STARD13: variants seen among roughly 807,000 people sequenced by gnomAD.
STARD13 encodes stAR-related lipid transfer protein 13.
In STARD13, 62 loss-of-function variants were observed where a neutral mutation model predicts 106.4. That is an observed-to-expected ratio of 0.58 (90% confidence interval 0.48 to 0.72). The LOEUF is 0.72. STARD13 is among the 30% of genes least tolerant of loss of function. STARD13 has a pLI of 0.00. For missense variants in STARD13, 1,387 were observed against 1,424.0 expected, an observed-to-expected ratio of 0.97 and a Z score of 0.42; for synonymous variants, 565 against 553.0, an observed-to-expected ratio of 1.02 and a Z score of -0.31.
the STARD13 span, among the ~76,000 whole-genome samples, chr13:33,429,583 TA>T: frequency 2.0e-5 from 3 of 150,658 alleles, no homozygotes; most frequent in Admixed American, 2.0e-4. Flanking sequence ...TATTCAGCCA[TA>T]AAAAACAATA....
the STARD13 span, among the ~76,000 whole-genome samples, chr13:33,412,330 C>T: frequency 8.3e-4 from 126 of 151,972 alleles, no homozygotes; most frequent in Admixed American, 2.0e-3. Context: ...AGCTATGCAA[C>T]GAGATACCCT....
intron 1 of STARD13, among the ~76,000 whole-genome samples, chr13:33,224,317 G>A (rs945015844): frequency 2.6e-5 from 4 of 152,142 alleles, no homozygotes; most frequent in Admixed American, 2.0e-4. Context: ...TAGATTTGGG[G>A]AATAGTACTG....
rs545749843 is a variant in STARD13 at position 33,103,591 on chromosome 13, C to T, written c.*2002G>A. 1 of 152,768 alleles carries T rather than the reference C, an allele frequency of 6.5e-6. No homozygotes were observed. Among genetic ancestry groups the T allele is most frequent in the South Asian group, 2.1e-4 (1 of 4,830 alleles). 9.5% of individuals were successfully genotyped at this position (152,768 alleles called of 1,614,324 possible). ...GAGACTCCTTAGAAATGCAGAATCTCAGGCCCAGCCCAGATTACTTGGAGC... is the reference window on the plus strand; with the variant it reads ...GAGACTCCTTAGAAATGCAGAATCTTAGGCCCAGCCCAGATTACTTGGAGC... On this transcript the variant is annotated 3_prime_UTR_variant, in exon 14 of 14. Transcript: ENST00000336934.
rs1214791012 is a variant in STARD13 at position 33,142,398 on chromosome 13, A to G, written c.324-25T>C. 7 of 1,589,276 alleles carry G rather than the reference A, an allele frequency of 4.4e-6. No individual in the cohort carries two copies. The Admixed American group carries it at 1.0e-4, about 23-fold the overall frequency. ...TCTAAAAGGAAAGAAAAATGTGATG[A>G]TTACTTTCACTAATGAATTTAAATC... On this transcript the variant is annotated intron_variant, in intron 3 of 13. Transcript: ENST00000336934.
At chr13:33,105,816 T>G (rs1475851171) in intron 13 of STARD13, 106 bp from the exon 14 acceptor site, 1 of 898,508 alleles carries the variant, frequency 1.1e-6, no homozygotes, top group African/African-American at 1.6e-5. Context: ...CCAGTGAACC[T>G]GCAGACAGCT....
intron 4 of STARD13, among the ~76,000 whole-genome samples, chr13:33,133,562 TG>T (rs1878624948): frequency 6.6e-6 from 1 of 152,030 alleles, no homozygotes; most frequent in South Asian, 2.1e-4. Flanking sequence ...CTTTCACTAA[TG>T]ATGGATATTT....
At chr13:33,225,529 C>T (rs1485783456) in intron 1 of STARD13, among the ~76,000 whole-genome samples, 4 of 152,126 alleles carry the variant, frequency 2.6e-5, no homozygotes, top group Non-Finnish European at 5.9e-5. Context: ...ATGAATAAAA[C>T]AGAAGAGCTT....
At chr13:33,188,608 C>G (rs1438405577) in intron 1 of STARD13, among the ~76,000 whole-genome samples, 3 of 152,210 alleles carry the variant, frequency 2.0e-5, no homozygotes, top group African/African-American at 7.2e-5. Context: ...ACTCACCACA[C>G]TAAGATAGTG....
the STARD13 span, among the ~76,000 whole-genome samples, chr13:33,497,525 C>T: frequency 6.6e-6 from 1 of 152,142 alleles, no homozygotes; most frequent in Non-Finnish European, 1.5e-5. Context: ...TAAATCACAG[C>T]TAAATCACGC....
the STARD13 span, among the ~76,000 whole-genome samples, chr13:33,645,402 C>A: frequency 6.6e-6 from 1 of 152,184 alleles, no homozygotes; most frequent in African/African-American, 2.4e-5. Context: ...GGTGGATTCA[C>A]CCAGCTGAGC....
At chr13:33,169,356 T>C (rs1263644128) in intron 1 of STARD13, among the ~76,000 whole-genome samples, 3 of 152,208 alleles carry the variant, frequency 2.0e-5, no homozygotes, top group Non-Finnish European at 4.4e-5. Flanking sequence ...GGTTCCTACT[T>C]TGATAACCAC....
the STARD13 span, among the ~76,000 whole-genome samples, chr13:33,547,464 A>C: frequency 6.6e-6 from 1 of 152,226 alleles, no homozygotes; most frequent in Non-Finnish European, 1.5e-5. Context: ...TTTCTTGAAG[A>C]TAATTTTTAA....
chr13:33,171,669 T>C (rs1309330908), intron 1 of STARD13, among the ~76,000 whole-genome samples: 2 of 152,174 alleles, frequency 1.3e-5, no homozygotes, highest in East Asian at 3.8e-4. Flanking sequence ...AGGAGACCAA[T>C]AGTCATTTGG....
intron 4 of STARD13, among the ~76,000 whole-genome samples, chr13:33,136,140 T>TATC (rs1470026794): frequency 1.4e-5 from 2 of 145,480 alleles, no homozygotes; most frequent in African/African-American, 4.9e-5. Context: ...AAATTATATA[T>TATC]ATCTTATACA....
At chr13:33,660,878 C>T in the STARD13 span, among the ~76,000 whole-genome samples, 2 of 152,176 alleles carry the variant, frequency 1.3e-5, no homozygotes, top group Admixed American at 1.3e-4. Flanking sequence ...ACCACTGTGC[C>T]TGGCCTGTGC....
At chr13:33,217,533 C>T (rs778021594) in intron 1 of STARD13, among the ~76,000 whole-genome samples, 4 of 152,320 alleles carry the variant, frequency 2.6e-5, no homozygotes, top group Non-Finnish European at 5.9e-5. Context: ...GGTGCAAGCA[C>T]ACAGGGGAAG....
chr13:33,344,503 G>A (rs1594288178), downstream of STARD13, among the ~76,000 whole-genome samples: 1 of 100,998 alleles, frequency 9.9e-6, no homozygotes. Flanking sequence ...TAGATGTTAA[G>A]AGGAAGTTTT....
At position 33,130,563 on chromosome 13, in the gene STARD13, C is replaced by T. The variant is rs1043582220; in HGVS notation, c.388-274G>A. Among the ~76,000 whole-genome samples, 5 of 152,186 alleles carry T rather than the reference C, an allele frequency of 3.3e-5. No homozygotes were observed. The highest frequency in any genetic ancestry group is 4.8e-5 in the African/African-American group (2 of 41,448). On this transcript the variant is annotated intron_variant, in intron 4 of 13. Coordinates refer to ENST00000336934, the MANE Select transcript of STARD13 (RefSeq NM_178006.4). The surrounding 1 kb of genome is among the most constrained non-coding windows in gnomAD (Gnocchi z 4.1). ...GAGGTTTTGAATGCCTCCTTCCTTC[C>T]TCTCTAAGAAGTTTTCCCTGACTGA...
the STARD13 span, among the ~76,000 whole-genome samples, chr13:33,486,452 A>G: frequency 2.0e-5 from 3 of 152,208 alleles, no homozygotes; most frequent in Admixed American, 2.0e-4. Context: ...GAGATTAACA[A>G]CAATATCTAA....
Sources: gnomAD v4.1 joint callset for allele counts (sites outside exome capture counted in the v4.1 genomes callset) on GRCh38, gnomAD v4.1.1 for gene constraint, Gnocchi (gnomAD v3.1) non-coding constraint, MANE v1.5 for transcripts, NCBI Gene and HGNC (gene_info 2026-07-23, HGNC 2026-07-21) for gene names.